Variants in CATSPERE observed in about 807,000 individuals in gnomAD.
CATSPERE encodes cation channel sperm-associated auxiliary subunit epsilon.
A neutral mutation model predicts 114.1 loss-of-function variants in CATSPERE; 93 were observed. The ratio of observed to expected loss-of-function variants is 0.81; its 90% CI spans 0.69 to 0.97. The LOEUF (loss-of-function observed/expected upper bound fraction) is 0.97. Among genes scored for constraint, CATSPERE ranks in the 50% least tolerant of loss-of-function variants. The pLI, the probability that CATSPERE is intolerant of heterozygous loss-of-function variation, is 0.00. For missense variants in CATSPERE, 1,058 were observed against 1,131.6 expected (o/e 0.93, Z 0.93); for synonymous variants, 341 against 384.1 (o/e 0.89, Z 1.31).
At chr1:244,485,231 G>A (rs1670809545) in intron 5 of CATSPERE, among the ~76,000 whole-genome samples, 1 of 151,566 alleles carries the variant, frequency 6.6e-6, no homozygotes, top group Non-Finnish European at 1.5e-5. Context: ...GCCCAGGCTG[G>A]AGAAAGGTGG....
rs541919836 is a variant in CATSPERE at position 244,510,091 on chromosome 1, ATTCT to A, written c.430-8488_430-8485del. On this transcript the variant is annotated intron_variant, in intron 7 of 21. Transcript: ENST00000366534. The stretch of plus-strand genomic sequence containing the variant: ...TTCATTTAGTTCTGCTCTGATCTTT[ATTCT>A]TTCTTTCTTTCTACTAATTTTGGGT... Among the ~76,000 whole-genome samples, 66 of 151,090 alleles carry A rather than the reference ATTCT, an allele frequency of 4.4e-4. 1 individual carries two copies. The highest frequency in any genetic ancestry group is 1.7e-3 in the South Asian group (8 of 4,776).
intron 5 of CATSPERE, among the ~76,000 whole-genome samples, chr1:244,488,914 C>T (rs1671500683): frequency 6.6e-6 from 1 of 152,186 alleles, no homozygotes; most frequent in African/African-American, 2.4e-5. Flanking sequence ...CAGAAACTCA[C>T]TGCATACTCA....
At chr1:244,585,420 C>T (rs1425083452) in intron 13 of CATSPERE, among the ~76,000 whole-genome samples, 1 of 152,172 alleles carries the variant, frequency 6.6e-6, no homozygotes, top group Non-Finnish European at 1.5e-5. Flanking sequence ...TTGTCCTGAC[C>T]TACCCACTGA....
chr1:244,490,452 T>G lies in CATSPERE; in HGVS notation c.332T>G (p.Phe111Cys), dbSNP rs767389127. 2 of 1,543,086 alleles carry G rather than the reference T, an allele frequency of 1.3e-6. No individual in the cohort carries two copies. The highest frequency in any genetic ancestry group is 2.3e-5 in the South Asian group (2 of 88,036). The change falls in exon 6 of 22, where the codon TTC becomes TGC. Residue 111 changes from phenylalanine to cysteine, a missense_variant. By Grantham distance (205) the Phe-to-Cys change is radical (BLOSUM62 -2). Around this residue, in one of 2 missense-constraint regions of CATSPERE, gnomAD observed 271 missense variants for 225.9 expected, o/e 1.20. Coordinates refer to ENST00000366534, the MANE Select transcript of CATSPERE (RefSeq NM_001130957.2). ...TTTCCTCTTTTTCCAAGCAGACATT[T>G]CTTTAACAACTTTACCCAGGTAAAA... is the stretch of plus-strand genomic sequence containing the variant. ...CFLWYYRVRH[F>C]FNNFTQLITV...
upstream of CATSPERE, chr1:244,451,783 G>C: frequency 2.5e-6 from 4 of 1,598,582 alleles, no homozygotes; most frequent in Non-Finnish European, 1.7e-6. This position sits in a 1 kb window ranked among gnomAD's most constrained non-coding sequence, Gnocchi z 6.6. Context: ...GTTGGGCAGG[G>C]AGGATGCCGC....
At chr1:244,603,807 A>G (rs1352941682) in intron 17 of CATSPERE, among the ~76,000 whole-genome samples, 1 of 152,118 alleles carries the variant, frequency 6.6e-6, no homozygotes, top group Non-Finnish European at 1.5e-5. Context: ...GGTGTTCAAG[A>G]TGAGGCTGGA....
Position 244,573,820 on chromosome 1 carries a change from A to G in CATSPERE, c.1950+1048A>G, listed in dbSNP as rs181295456. Among the ~76,000 whole-genome samples, 26 of 152,362 alleles carry G rather than the reference A, an allele frequency of 1.7e-4. No individual in the cohort carries two copies. The highest frequency in any genetic ancestry group is 5.8e-4 in the African/African-American group (24 of 41,580). Reference sequence around the variant, plus strand: ...GGACATGCATATGGGAATGGGAAAAATTCTTGCAGCCATCTTTGCAAACAA... The same window carrying G: ...GGACATGCATATGGGAATGGGAAAAGTTCTTGCAGCCATCTTTGCAAACAA... On this transcript the variant is annotated intron_variant, in intron 11 of 21. Coordinates refer to ENST00000366534, the MANE Select transcript of CATSPERE (RefSeq NM_001130957.2). The surrounding 1 kb of genome is among the most constrained non-coding windows in gnomAD (Gnocchi z 4.0).
intron 18 of CATSPERE, among the ~76,000 whole-genome samples, chr1:244,609,518 T>G (rs979842731): frequency 2.3e-4 from 35 of 152,238 alleles, no homozygotes; most frequent in Middle Eastern, 3.4e-3. Context: ...ACCCAGCTAA[T>G]TTTTATATTT....
chr1:244,452,247 C>T (rs1665664936), upstream of CATSPERE: 2 of 156,384 alleles, frequency 1.3e-5, no homozygotes, highest in Non-Finnish European at 2.8e-5. Context: ...CGCGGAAGCG[C>T]GTGTGGAGCG....
In CATSPERE at chr1:244,568,544, A is replaced by G. The variant is rs1219569953; in HGVS notation, c.1508-3786A>G. Among the ~76,000 whole-genome samples, 2 of 152,210 alleles carry G rather than the reference A, an allele frequency of 1.3e-5. No homozygotes were observed. The highest frequency in any genetic ancestry group is 2.9e-5 in the Non-Finnish European group (2 of 68,036). On this transcript the variant is annotated intron_variant, in intron 10 of 21. Coordinates refer to ENST00000366534, the MANE Select transcript of CATSPERE (RefSeq NM_001130957.2). This position sits in a 1 kb window ranked among gnomAD's most constrained non-coding sequence, Gnocchi z 4.4. ...TTTCTTTCAGAGATGCGCTGCCCAG[A>G]GAGGAGGAATCTAGAGAGGCAGTCT...
At chr1:244,536,328 C>A (rs1259449166) in intron 8 of CATSPERE, among the ~76,000 whole-genome samples, 1 of 152,094 alleles carries the variant, frequency 6.6e-6, no homozygotes, top group Non-Finnish European at 1.5e-5. Flanking sequence ...AGCACTAGAT[C>A]TTGCCTAGGA....
intron 21 of CATSPERE, chr1:244,636,853 A>T (rs2653154): frequency 0.99 from 151,572 of 152,424 alleles, 75,370 homozygotes; most frequent in Middle Eastern, 1. Flanking sequence ...GTCCTTTTCT[A>T]GAGCAGCGAC....
At chr1:244,476,724 A>G (rs1400482754) in intron 2 of CATSPERE, among the ~76,000 whole-genome samples, 5 of 152,236 alleles carry the variant, frequency 3.3e-5, no homozygotes, top group East Asian at 1.9e-4. Flanking sequence ...TGTTAAAACT[A>G]AGACTGACAA....
In CATSPERE at chr1:244,512,688, G is replaced by A. The variant is rs3003293; in HGVS notation, c.430-5904G>A. Among the ~76,000 whole-genome samples the A allele has an allele frequency of 4.5e-3, 682 of 152,200 alleles. 6 individuals are homozygous for A. The highest frequency in any genetic ancestry group is 0.016 in the African/African-American group (647 of 41,504). The stretch of plus-strand genomic sequence containing the variant: ...AGATACATTGGTATCTGTGCATCTG[G>A]TATAAAAGTTGCTTCTTTCAGTTTT... On this transcript the variant is annotated intron_variant, in intron 7 of 21. Coordinates refer to ENST00000366534, the MANE Select transcript of CATSPERE (RefSeq NM_001130957.2).
chr1:244,500,156 T>C (rs1454172212), intron 7 of CATSPERE, among the ~76,000 whole-genome samples: 7 of 152,206 alleles, frequency 4.6e-5, no homozygotes. Context: ...TTTTGAGAAG[T>C]GCCTGCTTAT....
chr1:244,611,699 A>G lies in CATSPERE; in HGVS notation c.2490+1373A>G, dbSNP rs76275662. 1.5e-3 allele frequency among the ~76,000 whole-genome samples: 230 copies of G among 152,298 alleles called. 2 individuals carry two copies. The East Asian group carries it at 0.038, about 25-fold the overall frequency. ...TACCCTCCTGATTTTTCATTGAAGG[A>G]CATCCAAGGGTCTGGAGTTAGGGAC... On this transcript the variant is annotated intron_variant, in intron 19 of 21. Transcript: ENST00000366534.
intron 21 of CATSPERE, among the ~76,000 whole-genome samples, chr1:244,637,906 T>C (rs10754839): frequency 0.65 from 99,147 of 152,102 alleles, 32,998 homozygotes; most frequent in Middle Eastern, 0.8. Context: ...AACATAAAAA[T>C]CTACTAACAT....
intron 14 of CATSPERE, among the ~76,000 whole-genome samples, chr1:244,589,360 C>A (rs1667425915): frequency 6.6e-6 from 1 of 152,144 alleles, no homozygotes; most frequent in Non-Finnish European, 1.5e-5. Flanking sequence ...TAATCAGTTG[C>A]TGGATTGATA....
Position 244,560,939 on chromosome 1 carries a change from A to G in CATSPERE, c.1301A>G (p.Gln434Arg). 3 of 1,614,146 alleles carry G rather than the reference A, an allele frequency of 1.9e-6. No individual in the cohort carries two copies. The highest frequency in any genetic ancestry group is 2.5e-6 in the Non-Finnish European group (3 of 1,180,006). Reference sequence around the variant, plus strand: ...GAAGATACAAAACAGTGGGTTTCCCAAGACTTTACATTAGATGCCCCTATT... The same window carrying G: ...GAAGATACAAAACAGTGGGTTTCCCGAGACTTTACATTAGATGCCCCTATT... ...YNEDTKQWVS[Q>R]DFTLDAPIDS... is the part of the protein sequence containing the mutation. Residue 434 changes from glutamine (Q) to arginine (R), a missense_variant, in exon 10 of 22, where the codon CAA (glutamine) becomes CGA (arginine). Gln to Arg is a conservative substitution (Grantham distance 43, BLOSUM62 1). Coordinates refer to ENST00000366534, the MANE Select transcript of CATSPERE (RefSeq NM_001130957.2).
Sources: allele counts gnomAD v4.1 joint callset (sites outside exome capture counted in the v4.1 genomes callset), GRCh38; gene constraint gnomAD v4.1.1; regional missense constraint gnomAD v4.1.1; non-coding constraint Gnocchi (gnomAD v3.1); transcripts MANE v1.5; gene names NCBI Gene and HGNC (gene_info 2026-07-23, HGNC 2026-07-21).